The following CREG2 variants were observed in gnomAD, a reference collection of about 807,000 sequenced individuals.
CREG2 encodes the protein protein CREG2.
CREG2 carries 24 observed loss-of-function variants against 26.2 expected under a neutral mutation model. That is an observed-to-expected ratio of 0.92 (90% confidence interval 0.66 to 1.29). The LOEUF (loss-of-function observed/expected upper bound fraction) is 1.29. Among genes scored for constraint, CREG2 ranks in the 50% most tolerant of loss-of-function variants. The pLI is 0.00. For synonymous variants in CREG2, 174 were observed against 169.2 expected (o/e 1.03, Z -0.22); for missense variants, 366 against 398.6 (o/e 0.92, Z 0.70).
intron 1 of CREG2, among the ~76,000 whole-genome samples, chr2:101,383,922 C>A (rs1684923539): frequency 6.6e-6 from 1 of 152,216 alleles, no homozygotes; most frequent in African/African-American, 2.4e-5. Context: ...AGATACTCAG[C>A]AGTGGCATCC....
At chr2:101,373,629 G>C (rs1684745537) in intron 2 of CREG2, among the ~76,000 whole-genome samples, 1 of 152,144 alleles carries the variant, frequency 6.6e-6, no homozygotes, top group African/African-American at 2.4e-5. Flanking sequence ...GAAGATGGAG[G>C]AAAAGGATAG....
intron 1 of CREG2, among the ~76,000 whole-genome samples, chr2:101,386,438 T>C (rs977688214): frequency 9.9e-5 from 15 of 152,232 alleles, no homozygotes; most frequent in Non-Finnish European, 1.9e-4. Context: ...ATTTGCGAAC[T>C]GAACAATTAA....
chr2:101,372,392 T>C (rs1338888436), intron 2 of CREG2, among the ~76,000 whole-genome samples: 1 of 152,238 alleles, frequency 6.6e-6, no homozygotes, highest in Non-Finnish European at 1.5e-5. Flanking sequence ...CTTAATTGAA[T>C]TGAGTTTATC....
Position 101,383,715 on chromosome 2 carries a change from A to G in CREG2, c.442-13T>C. 1.3e-6 allele frequency: 2 copies of G among 1,582,910 alleles called. No individual in the cohort carries two copies. Among genetic ancestry groups the G allele is most frequent in the Non-Finnish European group, 1.7e-6 (2 of 1,164,824 alleles). The stretch of plus-strand genomic sequence containing the variant: ...GCAGTCCTTGGATCTAACAAACACC[A>G]AAAAAGGCTTTTTCAGTGCAGAGCT... On this transcript the variant is annotated splice_polypyrimidine_tract_variant and intron_variant, in intron 1 of 3. Transcript: ENST00000324768.
At chr2:101,357,412 C>G (rs1319081279) in intron 2 of CREG2, among the ~76,000 whole-genome samples, 1 of 152,158 alleles carries the variant, frequency 6.6e-6, no homozygotes, top group Non-Finnish European at 1.5e-5. Context: ...GAATCTGATT[C>G]TCCAAATGTC....
chr2:101,357,814 C>T (rs766910153), intron 2 of CREG2, among the ~76,000 whole-genome samples: 2 of 151,674 alleles, frequency 1.3e-5, no homozygotes, highest in African/African-American at 2.4e-5. Flanking sequence ...GCCTGTAGCA[C>T]CCTACCTGAG....
At chr2:101,360,611 A>G (rs767119188) in intron 2 of CREG2, among the ~76,000 whole-genome samples, 2 of 152,028 alleles carry the variant, frequency 1.3e-5, no homozygotes, top group Non-Finnish European at 2.9e-5. Flanking sequence ...GGTGGTGGGC[A>G]GCTGTAATTC....
At chr2:101,381,143 C>T (rs1684866585) in intron 2 of CREG2, among the ~76,000 whole-genome samples, 1 of 152,220 alleles carries the variant, frequency 6.6e-6, no homozygotes, top group Non-Finnish European at 1.5e-5. Flanking sequence ...TGACGACGAT[C>T]TCTGCCTTTG....
rs1684438045 is a variant in CREG2, at chr2:101,355,237, T to C, written c.725+16A>G. ...TGTGTATTTCTGGGCATATAAATTTTAAAGCATTTACACACCTTGAAAACA... is the reference window on the plus strand; with the variant it reads ...TGTGTATTTCTGGGCATATAAATTTCAAAGCATTTACACACCTTGAAAACA... On this transcript the variant is annotated intron_variant, in intron 3 of 3. Transcript: ENST00000324768. The C allele has an allele frequency of 6.6e-7, 1 of 1,515,182 alleles. No individual in the cohort carries two copies. 93.9% of individuals were successfully genotyped at this position (1,515,182 alleles called of 1,614,324 possible).
intron 2 of CREG2, among the ~76,000 whole-genome samples, chr2:101,376,659 G>A (rs1215118366): frequency 6.6e-6 from 1 of 152,046 alleles, no homozygotes; most frequent in Non-Finnish European, 1.5e-5. Flanking sequence ...ATTCTGGTAG[G>A]GTTGCCTCCC....
chr2:101,358,098 ATTC>A, intron 2 of CREG2, among the ~76,000 whole-genome samples: 1 of 151,820 alleles, frequency 6.6e-6, no homozygotes, highest in Middle Eastern at 3.4e-3. Context: ...GGTTCAAGCG[ATTC>A]TCCTGCCTGT....
Position 101,360,739 on chromosome 2 carries a change from GA to G in CREG2, c.612-5374del, listed in dbSNP as rs201357877. 6.2e-3 allele frequency among the ~76,000 whole-genome samples: 762 copies of G among 123,288 alleles called. 4 individuals carry two copies. The highest frequency in any genetic ancestry group is 0.016 in the African/African-American group (523 of 33,476). 80.9% of individuals were successfully genotyped at this position (123,288 alleles called of 152,430 possible). ...GGCGACAGAGCAAGACTCAGTCTCA[GA>G]AAAAAAAAAAAAAGAAAGAAAATTA... is the stretch of plus-strand genomic sequence containing the variant. On this transcript the variant is annotated intron_variant, in intron 2 of 3. Coordinates refer to ENST00000324768, the MANE Select transcript of CREG2 (RefSeq NM_153836.4).
At position 101,346,705 on chromosome 2, in the gene CREG2, A is replaced by G. The variant is rs954691626; in HGVS notation, c.*4218T>C. The G allele has an allele frequency of 6.6e-6, 1 of 152,210 alleles. No homozygotes were observed. The highest frequency in any genetic ancestry group is 6.5e-5 in the Admixed American group (1 of 15,278). The allele number at this position is 152,210 out of a possible 1,614,324, so 9.4% of individuals were successfully genotyped here. ...AGAGAGAGAGTATAAATGCTTTATTAAGCTAAGCCCTAAATCTTGTTTATG... is the reference window on the plus strand; with the variant it reads ...AGAGAGAGAGTATAAATGCTTTATTGAGCTAAGCCCTAAATCTTGTTTATG... On this transcript the variant is annotated 3_prime_UTR_variant, in exon 4 of 4. Coordinates refer to ENST00000324768, the MANE Select transcript of CREG2 (RefSeq NM_153836.4).
chr2:101,364,987 G>A (rs930235794), intron 2 of CREG2, among the ~76,000 whole-genome samples: 1 of 152,340 alleles, frequency 6.6e-6, no homozygotes, highest in South Asian at 2.1e-4. Context: ...CAAGCAAGAA[G>A]CGTAGGAGGC....
In CREG2 at chr2:101,350,653, T is replaced by C. The variant is rs1684367098; in HGVS notation, c.*270A>G. 1 of 325,122 alleles carries C rather than the reference T, an allele frequency of 3.1e-6. No homozygotes were observed. Among genetic ancestry groups the C allele is most frequent in the East Asian group, 5.2e-5 (1 of 19,200 alleles). The allele number at this position is 325,122 out of a possible 1,614,324, so 20.1% of individuals were successfully genotyped here. ...ATGTCATTTTGACCACCAGCTATTA[T>C]ATGATTTCTGAATCGATGAGTCTGG... On this transcript the variant is annotated 3_prime_UTR_variant, in exon 4 of 4. Coordinates refer to ENST00000324768, the MANE Select transcript of CREG2 (RefSeq NM_153836.4).
chr2:101,381,173 C>T (rs993020784), intron 2 of CREG2, among the ~76,000 whole-genome samples: 4 of 152,172 alleles, frequency 2.6e-5, no homozygotes, highest in Non-Finnish European at 4.4e-5. Context: ...TCTTCAGGCC[C>T]GGCGACAGGC....
intron 2 of CREG2, among the ~76,000 whole-genome samples, chr2:101,367,446 GT>G (rs1467411055): frequency 1.1e-4 from 16 of 152,084 alleles, no homozygotes; most frequent in African/African-American, 3.9e-4. Flanking sequence ...TAAAACATTT[GT>G]ATTATAAATA....
intron 2 of CREG2, among the ~76,000 whole-genome samples, chr2:101,381,837 TGAA>T (rs1329710139): frequency 6.6e-6 from 1 of 152,214 alleles, no homozygotes; most frequent in African/African-American, 2.4e-5. Flanking sequence ...TGGCCTGTCA[TGAA>T]GAAGGTCCGC....
chr2:101,370,805 C>T (rs1684691625), intron 2 of CREG2, among the ~76,000 whole-genome samples: 1 of 152,138 alleles, frequency 6.6e-6, no homozygotes, highest in South Asian at 2.1e-4. Flanking sequence ...CAGACCTGCT[C>T]CCAGGCCCTG....
Sources: allele counts gnomAD v4.1 joint callset (sites outside exome capture counted in the v4.1 genomes callset), GRCh38; gene constraint gnomAD v4.1.1; transcripts MANE v1.5; gene names NCBI Gene and HGNC (gene_info 2026-07-23, HGNC 2026-07-21).